Variants in PHEX observed in about 807,000 individuals in gnomAD.
PHEX encodes phosphate-regulating neutral endopeptidase PHEX.
In PHEX, 16 loss-of-function variants were observed where a neutral mutation model predicts 68.0. That is an observed-to-expected ratio of 0.24 (90% CI 0.16 to 0.36). The LOEUF (loss-of-function observed/expected upper bound fraction) is 0.36, where lower values mean the gene tolerates loss of function less well. PHEX is among the 10% of genes least tolerant of loss of function. The pLI is 1.00. For synonymous variants in PHEX, 208 were observed against 205.1 expected (o/e 1.01, Z -0.12); for missense variants, 480 against 575.5 (o/e 0.83, Z 1.70).
At chrX:22,201,279 C>T (rs1934543553) in intron 15 of PHEX, among the ~76,000 whole-genome samples, 2 of 111,159 alleles carry the variant, frequency 1.8e-5, no homozygotes, top group African/African-American at 6.6e-5. Flanking sequence ...TGGGTTCAAG[C>T]GATTCCCCTG....
chrX:22,237,905 A>C (rs1221903215), intron 20 of PHEX, among the ~76,000 whole-genome samples: 1 of 112,976 alleles, frequency 8.9e-6, no homozygotes, highest in Non-Finnish European at 1.9e-5. Flanking sequence ...GTTATGCTGC[A>C]GAAACAACAC....
In PHEX at chrX:22,245,313, G is replaced by T. The variant is rs1474760852; in HGVS notation, c.2071-20G>T. ...TAATTGGAATGAAAGCTCATTTGTT[G>T]GGATGCTTTTCTCTTCTAGGTGAGG... On this transcript the variant is annotated intron_variant, in intron 20 of 21. Transcript: ENST00000379374. 2 of 1,168,795 alleles carry T rather than the reference G, an allele frequency of 1.7e-6. No homozygotes were observed. The highest frequency in any genetic ancestry group is 2.3e-6 in the Non-Finnish European group (2 of 856,151).
At chrX:22,148,676 C>T (rs1236859763) in intron 12 of PHEX, among the ~76,000 whole-genome samples, 4 of 111,341 alleles carry the variant, frequency 3.6e-5, no homozygotes, top group Non-Finnish European at 7.5e-5. Flanking sequence ...CTACTTTCTA[C>T]TCTCTGTTTC....
At chrX:22,187,076 A>G (rs1005983629) in intron 14 of PHEX, among the ~76,000 whole-genome samples, 2 of 111,998 alleles carry the variant, frequency 1.8e-5, no homozygotes, top group African/African-American at 6.5e-5. Flanking sequence ...TACTGTAACA[A>G]ACTCCTACAA....
intron 9 of PHEX, among the ~76,000 whole-genome samples, chrX:22,110,058 G>A (rs966678553): frequency 8.9e-6 from 1 of 112,009 alleles, no homozygotes; most frequent in African/African-American, 3.2e-5. Flanking sequence ...TGCAAAATTA[G>A]ATGATTGGTA....
At chrX:22,063,904 T>C (rs754875328) in intron 3 of PHEX, among the ~76,000 whole-genome samples, 2 of 112,792 alleles carry the variant, frequency 1.8e-5, no homozygotes, top group Non-Finnish European at 3.7e-5. Flanking sequence ...TTGTTAGTTA[T>C]GTTTATTTGA....
chrX:22,112,718 C>T (rs898964223), intron 10 of PHEX, among the ~76,000 whole-genome samples: 8 of 110,547 alleles, frequency 7.2e-5, no homozygotes, highest in African/African-American at 2.6e-4. Context: ...GCCTGGCCAA[C>T]GTGGTGAAAC....
chrX:22,133,470 C>T, intron 11 of PHEX, 53 bp from the exon 12 acceptor site: 1 of 1,014,356 alleles, frequency 9.9e-7, no homozygotes, highest in Non-Finnish European at 1.4e-6. Context: ...TCCAGAAAAC[C>T]TCGACTGAAG....
At chrX:22,155,231 A>C (rs1487532041) in intron 12 of PHEX, among the ~76,000 whole-genome samples, 1 of 112,680 alleles carries the variant, frequency 8.9e-6, no homozygotes, top group African/African-American at 3.2e-5. Flanking sequence ...CTAATTTAAT[A>C]ATTCACCAAA....
intron 13 of PHEX, among the ~76,000 whole-genome samples, chrX:22,173,489 C>T (rs1933606420): frequency 9.0e-6 from 1 of 110,892 alleles, no homozygotes. Context: ...TTGAGCATCA[C>T]CTCAGTATAT....
intron 5 of PHEX, among the ~76,000 whole-genome samples, chrX:22,082,241 T>C (rs897575638): frequency 1.8e-5 from 2 of 112,173 alleles, no homozygotes; most frequent in African/African-American, 6.5e-5. Flanking sequence ...GATTGCTGGG[T>C]CAAATGGTAG....
chrX:22,037,353 C>T (rs945435090), intron 1 of PHEX, among the ~76,000 whole-genome samples: 1 of 111,323 alleles, frequency 9.0e-6, no homozygotes. Flanking sequence ...GGGCCTTGGT[C>T]CCCATTCACC....
intron 11 of PHEX, 44 bp from the exon 12 acceptor site, chrX:22,133,479 A>G (rs1411653942): frequency 1.1e-5 from 12 of 1,055,871 alleles, no homozygotes; most frequent in Non-Finnish European, 1.6e-5. Context: ...CCTCGACTGA[A>G]GCTTCTTGGC....
chrX:22,163,615 A>C (rs10126508), intron 12 of PHEX, among the ~76,000 whole-genome samples: 16,118 of 110,942 alleles, frequency 0.15, 1,667 homozygotes, highest in African/African-American at 0.36. Context: ...GATCAGCCAC[A>C]AACAGCCTAG....
At chrX:22,156,919 G>A (rs1254392353) in intron 12 of PHEX, among the ~76,000 whole-genome samples, 2 of 109,020 alleles carry the variant, frequency 1.8e-5, no homozygotes, top group South Asian at 4.0e-4. Context: ...GTCTCACTCT[G>A]TTGCCCAGGC....
chrX:22,117,869 A>G (rs1204971460), intron 11 of PHEX, among the ~76,000 whole-genome samples: 4 of 110,869 alleles, frequency 3.6e-5, no homozygotes, highest in Admixed American at 2.9e-4. Flanking sequence ...TTGGAAACTT[A>G]TAAGAGAAAT....
intron 2 of PHEX, among the ~76,000 whole-genome samples, chrX:22,045,032 T>C: frequency 1.0e-5 from 1 of 98,846 alleles, no homozygotes; most frequent in East Asian, 3.0e-4. Context: ...TTTTTTTTTG[T>C]GTGTGTGTGT....
At chrX:22,098,406 AG>A (rs1463807581) in intron 8 of PHEX, among the ~76,000 whole-genome samples, 1 of 107,747 alleles carries the variant, frequency 9.3e-6, no homozygotes, top group African/African-American at 3.4e-5. Flanking sequence ...GGGCCAAGGG[AG>A]TGAGGGTGCA....
At chrX:22,066,485 T>G (rs1362219841) in intron 3 of PHEX, among the ~76,000 whole-genome samples, 1 of 112,421 alleles carries the variant, frequency 8.9e-6, no homozygotes, top group Non-Finnish European at 1.9e-5. Flanking sequence ...CCCCCACTCA[T>G]GGGGCAAAAT....
Sources: gnomAD v4.1 joint callset for allele counts (sites outside exome capture counted in the v4.1 genomes callset) on GRCh38, gnomAD v4.1.1 for gene constraint, MANE v1.5 for transcripts, NCBI Gene and HGNC (gene_info 2026-07-23, HGNC 2026-07-21) for gene names.